FAM135B: variants seen among roughly 807,000 people sequenced by gnomAD.
The protein encoded by FAM135B is family with sequence similarity 135 member B.
A neutral mutation model predicts 127.7 loss-of-function variants in FAM135B; 43 were observed. That is an observed-to-expected ratio of 0.34 (90% confidence interval 0.26 to 0.43). The LOEUF is 0.43. Among genes scored for constraint, FAM135B ranks in the 20% least tolerant of loss-of-function variants. The pLI is 1.00. For missense variants in FAM135B, 1,558 were observed against 1,725.6 expected (o/e 0.90, Z 1.72); for synonymous variants, 670 against 665.1 (o/e 1.01, Z -0.11).
rs2130892309 is a variant in FAM135B at position 138,310,822 on chromosome 8, T to C, written c.157+19A>G. On this transcript the variant is annotated intron_variant, in intron 3 of 19. Coordinates refer to ENST00000395297, the MANE Select transcript of FAM135B (RefSeq NM_015912.4). Reference sequence around the variant, plus strand: ...TTCGCCATTGGGGGCAAGTGCCCCATTGCCATTCTTCTGCTCACCTGTCTG... The same window carrying C: ...TTCGCCATTGGGGGCAAGTGCCCCACTGCCATTCTTCTGCTCACCTGTCTG... The C allele has an allele frequency of 6.2e-7, 1 of 1,611,566 alleles. No individual in the cohort carries two copies. Among genetic ancestry groups the C allele is most frequent in the Non-Finnish European group, 8.5e-7 (1 of 1,178,968 alleles).
rs985731762 is a variant in FAM135B, at chr8:138,373,974, C to T, written c.-19-5972G>A. Among the ~76,000 whole-genome samples, 17 of 152,134 alleles carry T rather than the reference C, an allele frequency of 1.1e-4. No homozygotes were observed. The East Asian group carries it at 1.7e-3, about 16-fold the overall frequency. On this transcript the variant is annotated intron_variant, in intron 1 of 19. Coordinates refer to ENST00000395297, the MANE Select transcript of FAM135B (RefSeq NM_015912.4). Reference sequence around the variant, plus strand: ...CCCCTGTCCTGTGGTCCTGTGATCTCGCCCTGCCTCCATTTGCCTTGTGAT... The same window carrying T: ...CCCCTGTCCTGTGGTCCTGTGATCTTGCCCTGCCTCCATTTGCCTTGTGAT...
At chr8:138,156,543 C>A (rs1270164046) in intron 12 of FAM135B, among the ~76,000 whole-genome samples, 1 of 151,956 alleles carries the variant, frequency 6.6e-6, no homozygotes, top group Admixed American at 6.6e-5. Context: ...AATTGATAGA[C>A]CTCTAGGAAG....
intron 2 of FAM135B, among the ~76,000 whole-genome samples, chr8:138,328,165 G>A (rs1215014430): frequency 6.6e-6 from 1 of 152,116 alleles, no homozygotes; most frequent in East Asian, 1.9e-4. Flanking sequence ...CTGGTAGACA[G>A]AGATGCCCTG....
At chr8:138,240,452 G>A (rs1350855259) in intron 7 of FAM135B, among the ~76,000 whole-genome samples, 1 of 152,206 alleles carries the variant, frequency 6.6e-6, no homozygotes, top group Non-Finnish European at 1.5e-5. Flanking sequence ...TTGGTTACTG[G>A]CTCCTGCCGT....
chr8:138,338,458 C>G (rs1358463790), intron 2 of FAM135B, among the ~76,000 whole-genome samples: 7 of 152,074 alleles, frequency 4.6e-5, no homozygotes, highest in Admixed American at 2.0e-4. Context: ...AGGATATAAA[C>G]AGACACTTCT....
intron 6 of FAM135B, among the ~76,000 whole-genome samples, chr8:138,248,476 C>T (rs747887585): frequency 1.8e-4 from 27 of 152,150 alleles, no homozygotes; most frequent in Non-Finnish European, 3.8e-4. Context: ...TATACTTCAT[C>T]CCATTGCACC....
chr8:138,158,390 T>G (rs202111055), intron 12 of FAM135B, among the ~76,000 whole-genome samples: 2 of 152,150 alleles, frequency 1.3e-5, no homozygotes, highest in African/African-American at 2.4e-5. Flanking sequence ...CATAGACATG[T>G]GCAAGGACTT....
At chr8:138,370,928 T>C (rs569628065) in intron 1 of FAM135B, among the ~76,000 whole-genome samples, 2 of 152,284 alleles carry the variant, frequency 1.3e-5, no homozygotes, top group Admixed American at 6.5e-5. Context: ...CTCAGACCAG[T>C]GGCATCAGCA....
intron 3 of FAM135B, among the ~76,000 whole-genome samples, chr8:138,272,830 G>A (rs16908737): frequency 0.36 from 54,431 of 152,064 alleles, 10,432 homozygotes; most frequent in African/African-American, 0.48. Context: ...AGTGTATGGC[G>A]TTGTACCTCA....
intron 1 of FAM135B, among the ~76,000 whole-genome samples, chr8:138,380,324 G>C (rs1379090435): frequency 1.3e-5 from 2 of 152,090 alleles, no homozygotes; most frequent in African/African-American, 4.8e-5. Flanking sequence ...CAGCCTCTGA[G>C]TAACTGGGAT....
chr8:138,240,241 T>C (rs1180638425), intron 7 of FAM135B, among the ~76,000 whole-genome samples: 2 of 152,234 alleles, frequency 1.3e-5, no homozygotes, highest in South Asian at 2.1e-4. Context: ...AACCAGAGTC[T>C]GCTTTCTACC....
chr8:138,354,897 C>T (rs559481525), intron 2 of FAM135B, among the ~76,000 whole-genome samples: 1 of 152,174 alleles, frequency 6.6e-6, no homozygotes, highest in African/African-American at 2.4e-5. Context: ...TTCTAGGGTA[C>T]ATGTGCACAA....
chr8:138,165,408 C>G (rs778820225), intron 12 of FAM135B, among the ~76,000 whole-genome samples: 124 of 151,728 alleles, frequency 8.2e-4, no homozygotes, highest in Non-Finnish European at 5.9e-4. Context: ...GTGTGAGCCA[C>G]TGTGACTGGC....
At chr8:138,261,562 C>G (rs1040746904) in intron 4 of FAM135B, among the ~76,000 whole-genome samples, 3 of 152,198 alleles carry the variant, frequency 2.0e-5, no homozygotes, top group African/African-American at 7.2e-5. Flanking sequence ...CCATTGCTAA[C>G]TTTTCTTTTT....
chr8:138,130,081 A>G lies in FAM135B; in HGVS notation c.*2512T>C, dbSNP rs1435442698. Reference sequence around the variant, plus strand: ...TCATTTTGGGAAACAACAAATCATAAAAACAAAAACAAAAATTACGCAGAG... The same window carrying G: ...TCATTTTGGGAAACAACAAATCATAGAAACAAAAACAAAAATTACGCAGAG... On this transcript the variant is annotated 3_prime_UTR_variant, in exon 20 of 20. Coordinates refer to ENST00000395297, the MANE Select transcript of FAM135B (RefSeq NM_015912.4). The G allele has an allele frequency of 6.6e-6, 1 of 152,112 alleles. No homozygotes were observed. Among genetic ancestry groups the G allele is most frequent in the Non-Finnish European group, 1.5e-5 (1 of 68,024 alleles). 9.4% of individuals were successfully genotyped at this position (152,112 alleles called of 1,614,324 possible). A position where few individuals can be genotyped will look rare whatever the true frequency, so the allele number is the denominator to read the frequency against.
chr8:138,370,973 C>G (rs910634384), intron 1 of FAM135B, among the ~76,000 whole-genome samples: 1 of 152,174 alleles, frequency 6.6e-6, no homozygotes, highest in African/African-American at 2.4e-5. Context: ...TTGAGTCCCA[C>G]ACCAGACCTA....
At chr8:138,258,013 A>G (rs774250836) in intron 4 of FAM135B, among the ~76,000 whole-genome samples, 1 of 152,180 alleles carries the variant, frequency 6.6e-6, no homozygotes, top group Non-Finnish European at 1.5e-5. Flanking sequence ...CACCATTCAC[A>G]GTATTCACTG....
intron 1 of FAM135B, among the ~76,000 whole-genome samples, chr8:138,411,839 C>G (rs1354767681): frequency 6.6e-6 from 1 of 152,084 alleles, no homozygotes; most frequent in Non-Finnish European, 1.5e-5. Flanking sequence ...CAGTGGTGGA[C>G]TGAATAAAGA....
chr8:138,242,680 C>T lies in FAM135B; in HGVS notation c.669+262G>A, dbSNP rs1820917807. ...GCACAGCCTCCTGACCTACAGAGAA[C>T]CATATTCTTCCAAGAGACCACATAT... is the stretch of plus-strand genomic sequence containing the variant. On this transcript the variant is annotated intron_variant, in intron 7 of 19. Coordinates refer to ENST00000395297, the MANE Select transcript of FAM135B (RefSeq NM_015912.4). This position sits in a 1 kb window ranked among gnomAD's most constrained non-coding sequence, Gnocchi z 9.6. 6.6e-6 allele frequency among the ~76,000 whole-genome samples: 1 copy of T among 152,106 alleles called. No homozygotes were observed. Among genetic ancestry groups the T allele is most frequent in the Non-Finnish European group, 1.5e-5 (1 of 68,034 alleles).
Sources: allele counts gnomAD v4.1 joint callset (sites outside exome capture counted in the v4.1 genomes callset), GRCh38; gene constraint gnomAD v4.1.1; non-coding constraint Gnocchi (gnomAD v3.1); transcripts MANE v1.5; gene names NCBI Gene and HGNC (gene_info 2026-07-23, HGNC 2026-07-21).